Variants in GRM8 observed in about 807,000 individuals in gnomAD.
GRM8 encodes metabotropic glutamate receptor 8.
Under a neutral mutation model 87.2 loss-of-function variants are expected in GRM8, and 47 were observed. The observed-to-expected ratio is 0.54, with a 90% CI of 0.43 to 0.69. The LOEUF is 0.69. Ranked by LOEUF, GRM8 falls within the 30% of genes least tolerant of loss-of-function variation. The pLI is 0.00. For missense variants in GRM8, 1,019 were observed against 1,139.2 expected, an observed-to-expected ratio of 0.89 and a Z score of 1.52; for synonymous variants, 396 against 404.5, an observed-to-expected ratio of 0.98 and a Z score of 0.25.
chr7:127,041,639 A>G (rs1318997569), intron 3 of GRM8, among the ~76,000 whole-genome samples: 1 of 152,226 alleles, frequency 6.6e-6, no homozygotes, highest in Non-Finnish European at 1.5e-5. Flanking sequence ...AATATGGAGG[A>G]AACAGACTTT....
In GRM8 at chr7:127,086,779, C is replaced by T. The variant is rs560344628; in HGVS notation, c.727+19717G>A. Among the ~76,000 whole-genome samples, 36 of 152,304 alleles carry T rather than the reference C, an allele frequency of 2.4e-4. No homozygotes were observed. In the South Asian group the frequency reaches 7.5e-3, roughly 32 times the overall value. ...GTGCAGTGCATCTTATGGAATGTGA[C>T]CAAGGGACATCTCCTGTTTTAGCAT... On this transcript the variant is annotated intron_variant, in intron 3 of 10. Coordinates refer to ENST00000339582, the MANE Select transcript of GRM8 (RefSeq NM_000845.3).
intron 3 of GRM8, among the ~76,000 whole-genome samples, chr7:126,958,502 C>T (rs1808971374): frequency 6.6e-6 from 1 of 152,190 alleles, no homozygotes; most frequent in Admixed American, 6.5e-5. Context: ...AGCTGCCTGC[C>T]CCACTGCGGC....
At chr7:126,923,016 CA>C (rs1804701448) in intron 3 of GRM8, among the ~76,000 whole-genome samples, 2 of 152,106 alleles carry the variant, frequency 1.3e-5, no homozygotes, top group Admixed American at 1.3e-4. Context: ...TACCCAGTCT[CA>C]GGTATTTCTT....
chr7:127,123,535 C>A (rs1352770607), intron 2 of GRM8, among the ~76,000 whole-genome samples: 1 of 152,144 alleles, frequency 6.6e-6, no homozygotes, highest in Non-Finnish European at 1.5e-5. Context: ...TGAGTGGAGG[C>A]AGCCTCAGGC....
intron 3 of GRM8, among the ~76,000 whole-genome samples, chr7:127,037,853 G>C (rs561041669): frequency 2.0e-5 from 3 of 151,334 alleles, no homozygotes; most frequent in African/African-American, 7.4e-5. Flanking sequence ...GTGTGTGTGT[G>C]TGTGTGTGTG....
intron 7 of GRM8, among the ~76,000 whole-genome samples, chr7:126,752,855 G>A (rs1412998180): frequency 6.6e-6 from 1 of 151,882 alleles, no homozygotes; most frequent in South Asian, 2.1e-4. Flanking sequence ...TACCTAATTA[G>A]TCCCACTCTC....
chr7:126,965,558 A>G (rs1015195941), intron 3 of GRM8, among the ~76,000 whole-genome samples: 14 of 152,250 alleles, frequency 9.2e-5, no homozygotes, highest in African/African-American at 3.4e-4. Flanking sequence ...TTAAATTTTT[A>G]GTATAATAAA....
chr7:126,554,798 T>G (rs11769015), intron 8 of GRM8, among the ~76,000 whole-genome samples: 1 of 152,174 alleles, frequency 6.6e-6, no homozygotes. Context: ...TTTATTGTCA[T>G]ATATGTTATT....
chr7:126,575,469 A>AT (rs1217177380), intron 8 of GRM8, among the ~76,000 whole-genome samples: 1 of 151,968 alleles, frequency 6.6e-6, no homozygotes, highest in Non-Finnish European at 1.5e-5. Context: ...CACTTAAATC[A>AT]TCCTGAAACC....
intron 8 of GRM8, among the ~76,000 whole-genome samples, chr7:126,603,947 A>G (rs1342271126): frequency 6.6e-6 from 1 of 152,094 alleles, no homozygotes; most frequent in East Asian, 1.9e-4. Context: ...TTTTCATTAT[A>G]TAAAAGCTGT....
intron 3 of GRM8, among the ~76,000 whole-genome samples, chr7:126,945,973 A>C (rs981277770): frequency 6.6e-6 from 1 of 152,208 alleles, no homozygotes; most frequent in African/African-American, 2.4e-5. Flanking sequence ...ATGAACACAT[A>C]TTCATGTGTT....
intron 3 of GRM8, among the ~76,000 whole-genome samples, chr7:127,074,333 A>G (rs1340756840): frequency 1.3e-5 from 2 of 152,112 alleles, no homozygotes; most frequent in African/African-American, 2.4e-5. Context: ...TACATTTCCA[A>G]TTTTCATTCA....
chr7:126,996,289 C>A (rs938642995), intron 3 of GRM8, among the ~76,000 whole-genome samples: 1 of 151,670 alleles, frequency 6.6e-6, no homozygotes, highest in South Asian at 2.1e-4. Flanking sequence ...GAAAGCAGAC[C>A]GAAAAACACA....
intron 6 of GRM8, among the ~76,000 whole-genome samples, chr7:126,884,599 A>G (rs1276444943): frequency 6.6e-6 from 1 of 152,198 alleles, no homozygotes; most frequent in Non-Finnish European, 1.5e-5. Context: ...AAAAACATAT[A>G]ATGTCCTGTT....
At chr7:126,669,500 C>A (rs1451115923) in intron 7 of GRM8, among the ~76,000 whole-genome samples, 1 of 152,156 alleles carries the variant, frequency 6.6e-6, no homozygotes, top group East Asian at 1.9e-4. Flanking sequence ...CCCCTAAGGA[C>A]TATTAGTAAA....
chr7:126,983,227 A>C (rs1470452592), intron 3 of GRM8, among the ~76,000 whole-genome samples: 1 of 152,186 alleles, frequency 6.6e-6, no homozygotes. Flanking sequence ...AACAGGAAGC[A>C]AAATTTTGCT....
Position 126,532,934 on chromosome 7 carries a change from G to A in GRM8, c.2430+18C>T, listed in dbSNP as rs1266540087. The A allele has an allele frequency of 3.3e-6, 5 of 1,493,988 alleles. No homozygotes were observed. The highest frequency in any genetic ancestry group is 1.2e-5 in the South Asian group (1 of 82,854). 92.5% of individuals were successfully genotyped at this position (1,493,988 alleles called of 1,614,324 possible). ...TAAATCCAGGAAAAAGTTGTCAAGT[G>A]TATTTCCTTCTACTTACCTTTTCTG... On this transcript the variant is annotated intron_variant, in intron 9 of 10. Coordinates refer to ENST00000339582, the MANE Select transcript of GRM8 (RefSeq NM_000845.3).
intron 7 of GRM8, among the ~76,000 whole-genome samples, chr7:126,686,240 G>C (rs1268728261): frequency 2.0e-5 from 3 of 152,036 alleles, no homozygotes; most frequent in Non-Finnish European, 4.4e-5. Context: ...GCTCAGTAAA[G>C]CTCCTCTTTG....
At chr7:127,081,637 G>A (rs1441907367) in intron 3 of GRM8, among the ~76,000 whole-genome samples, 1 of 152,116 alleles carries the variant, frequency 6.6e-6, no homozygotes, top group Admixed American at 6.6e-5. Flanking sequence ...GGAGGAGGCA[G>A]AGGGAAAAAG....
Sources: allele counts gnomAD v4.1 joint callset (sites outside exome capture counted in the v4.1 genomes callset), GRCh38; gene constraint gnomAD v4.1.1; transcripts MANE v1.5; gene names NCBI Gene and HGNC (gene_info 2026-07-23, HGNC 2026-07-21).